Variants in SIPA1L2 observed in about 807,000 individuals in gnomAD.
SIPA1L2 encodes signal induced proliferation associated 1 like 2.
Under a neutral mutation model 163.9 loss-of-function variants are expected in SIPA1L2, and 56 were observed. That is an observed-to-expected ratio of 0.34 (90% CI 0.28 to 0.43). The LOEUF is 0.43. Ranked by LOEUF, SIPA1L2 falls within the 20% of genes least tolerant of loss-of-function variation. The pLI, the probability that SIPA1L2 is intolerant of heterozygous loss-of-function variation, is 1.00. For missense variants in SIPA1L2, 1,974 were observed against 2,193.5 expected (o/e 0.90, Z 2.00); for synonymous variants, 877 against 865.7 (o/e 1.01, Z -0.23).
At chr1:232,532,218 T>C (rs1184610127) in intron 2 of SIPA1L2, among the ~76,000 whole-genome samples, 6 of 152,098 alleles carry the variant, frequency 3.9e-5, no homozygotes, top group African/African-American at 1.4e-4. Context: ...GTGGGAGGAT[T>C]GAACTGGCAG....
chr1:232,610,994 C>T (rs1053576195), intron 1 of SIPA1L2, among the ~76,000 whole-genome samples: 1 of 152,190 alleles, frequency 6.6e-6, no homozygotes, highest in Non-Finnish European at 1.5e-5. Flanking sequence ...ATTGTACTCC[C>T]ATAATTCCCA....
intron 15 of SIPA1L2, among the ~76,000 whole-genome samples, chr1:232,434,623 T>C (rs1437257791): frequency 6.6e-6 from 1 of 152,192 alleles, no homozygotes; most frequent in Non-Finnish European, 1.5e-5. Context: ...TAATGGACTC[T>C]TCCCATTCAC....
intron 2 of SIPA1L2, among the ~76,000 whole-genome samples, chr1:232,551,003 C>T (rs1658347410): frequency 6.6e-6 from 1 of 152,064 alleles, no homozygotes; most frequent in Admixed American, 6.5e-5. Context: ...GGAGGGAAAA[C>T]AGCAAAGACT....
chr1:232,467,484 T>A (rs1664585066), intron 8 of SIPA1L2, among the ~76,000 whole-genome samples: 2 of 152,080 alleles, frequency 1.3e-5, no homozygotes, highest in South Asian at 2.1e-4. Flanking sequence ...CAATCCCCCA[T>A]GTTAACTCTG....
At chr1:232,566,304 T>A (rs1378010849) in intron 2 of SIPA1L2, among the ~76,000 whole-genome samples, 1 of 152,222 alleles carries the variant, frequency 6.6e-6, no homozygotes, top group Non-Finnish European at 1.5e-5. Context: ...CTTAACACTA[T>A]CCATTGTTCC....
At chr1:232,494,138 C>T (rs906974514) in intron 3 of SIPA1L2, among the ~76,000 whole-genome samples, 1 of 152,162 alleles carries the variant, frequency 6.6e-6, no homozygotes, top group African/African-American at 2.4e-5. Context: ...TAGCTAAGAT[C>T]GCCTTTTCAT....
In SIPA1L2 at chr1:232,439,233, G is replaced by A. The variant is rs367962446; in HGVS notation, c.3906C>T (p.Asp1302=). The change falls in exon 15 of 23, where the codon GAC becomes GAT. Residue 1302 remains aspartate, a synonymous_variant. Transcript: ENST00000674635. ...SRAEQWADAA[D]VSGPDDEPAK... ...CTGGCTCGTCGTCAGGCCCAGAGAC[G>A]TCGGCAGCATCAGCCCACTGCTCGG... 412 of 1,613,960 alleles carry A rather than the reference G, an allele frequency of 2.6e-4. 2 individuals are homozygous for A. In the East Asian group the frequency reaches 4.5e-3, roughly 18 times the overall value.
chr1:232,468,626 G>T (rs1664644422), intron 8 of SIPA1L2, among the ~76,000 whole-genome samples: 1 of 152,154 alleles, frequency 6.6e-6, no homozygotes, highest in Non-Finnish European at 1.5e-5. Flanking sequence ...TATCATAGTT[G>T]TTGTGTTAAT....
intron 1 of SIPA1L2, among the ~76,000 whole-genome samples, chr1:232,628,635 G>C (rs1558314819): frequency 1.3e-5 from 2 of 152,132 alleles, no homozygotes; most frequent in Non-Finnish European, 2.9e-5. Flanking sequence ...CAAAAATATC[G>C]GTATGTGTAG....
At chr1:232,535,246 GT>G (rs200998811) in intron 2 of SIPA1L2, among the ~76,000 whole-genome samples, 2 of 151,620 alleles carry the variant, frequency 1.3e-5, no homozygotes, top group African/African-American at 4.8e-5. Flanking sequence ...CACAACATAT[GT>G]TTTTTTTTAA....
At chr1:232,433,028 G>A (rs1039769703) in intron 15 of SIPA1L2, among the ~76,000 whole-genome samples, 2 of 152,096 alleles carry the variant, frequency 1.3e-5, no homozygotes, top group African/African-American at 2.4e-5. Flanking sequence ...CAGAGCTTAC[G>A]ATACAGCAAT....
chr1:232,615,721 T>C (rs564676840), intron 1 of SIPA1L2, among the ~76,000 whole-genome samples: 1 of 152,288 alleles, frequency 6.6e-6, no homozygotes, highest in African/African-American at 2.4e-5. Context: ...ATCTAATTAT[T>C]AGACTTTACC....
At chr1:232,575,042 A>G (rs1298184320) in intron 1 of SIPA1L2, among the ~76,000 whole-genome samples, 1 of 152,216 alleles carries the variant, frequency 6.6e-6, no homozygotes, top group African/African-American at 2.4e-5. Flanking sequence ...TCATGCTTTC[A>G]ACACATCATT....
chr1:232,618,230 T>C (rs946653754), intron 1 of SIPA1L2, among the ~76,000 whole-genome samples: 3 of 152,062 alleles, frequency 2.0e-5, no homozygotes, highest in African/African-American at 7.2e-5. Context: ...AGACATAAGA[T>C]AGGAAGTGGA....
At position 232,464,897 on chromosome 1, in the gene SIPA1L2, G is replaced by A. The variant is rs745476960; in HGVS notation, c.2763C>T (p.Leu921=). ...KVFYERGECV[L]LSSVDNCAED... is the part of the protein sequence containing the mutation. ...CAGCACAGTTGTCTACCGAGGACAG[G>A]AGGACACATTCTCCTCTTTCGTAAA... Residue 921 remains leucine (L), a synonymous_variant, in exon 9 of 23, where the codon CTC becomes CTT. Transcript: ENST00000674635. 5 of 1,614,016 alleles carry A rather than the reference G, an allele frequency of 3.1e-6. No homozygotes were observed. The highest frequency in any genetic ancestry group is 4.2e-6 in the Non-Finnish European group (5 of 1,179,944).
At chr1:232,443,483 T>C (rs192477645) in intron 12 of SIPA1L2, 119 bp downstream of exon 12, 1 of 660,744 alleles carries the variant, frequency 1.5e-6, no homozygotes. Context: ...AAAGCATGTC[T>C]GGCATTATTA....
At chr1:232,530,609 T>C (rs1656859156) in intron 2 of SIPA1L2, among the ~76,000 whole-genome samples, 1 of 152,166 alleles carries the variant, frequency 6.6e-6, no homozygotes, top group South Asian at 2.1e-4. Flanking sequence ...TTTGGGGTTG[T>C]TTTGCCCAGC....
chr1:232,629,728 GCCCCTCGCA>G (rs1364851119), intron 1 of SIPA1L2, among the ~76,000 whole-genome samples, 132 bp downstream of exon 1: 6 of 151,164 alleles, frequency 4.0e-5, no homozygotes, highest in Admixed American at 1.3e-4. Context: ...GCACCCCCGC[GCCCCTCGCA>G]CCCCTCGCCG....
At chr1:232,610,880 A>G (rs1405026464) in intron 1 of SIPA1L2, among the ~76,000 whole-genome samples, 1 of 152,194 alleles carries the variant, frequency 6.6e-6, no homozygotes, top group African/African-American at 2.4e-5. Flanking sequence ...AAAGTAAAAT[A>G]AAAACTCTAT....
Sources: allele counts gnomAD v4.1 joint callset (sites outside exome capture counted in the v4.1 genomes callset), GRCh38; gene constraint gnomAD v4.1.1; transcripts MANE v1.5; gene names NCBI Gene and HGNC (gene_info 2026-07-23, HGNC 2026-07-21).